Variants in ADAM23 observed in about 807,000 individuals in gnomAD.
The protein encoded by ADAM23 is ADAM metallopeptidase domain 23, also known as disintegrin and metalloproteinase domain-containing protein 23.
Under a neutral mutation model 120.1 loss-of-function variants are expected in ADAM23, and 33 were observed. That is an observed-to-expected ratio of 0.27 (90% CI 0.21 to 0.37). The LOEUF (loss-of-function observed/expected upper bound fraction) is 0.37, where lower values mean the gene tolerates loss of function less well. Among genes scored for constraint, ADAM23 ranks in the 10% least tolerant of loss-of-function variants. The pLI, the probability that ADAM23 is intolerant of heterozygous loss-of-function variation, is 1.00. For synonymous variants in ADAM23, 367 were observed against 375.2 expected (o/e 0.98, Z 0.25); for missense variants, 862 against 1,058.2 (o/e 0.81, Z 2.57).
At chr2:206,463,742 A>G (rs555334381) in intron 2 of ADAM23, among the ~76,000 whole-genome samples, 1 of 152,364 alleles carries the variant, frequency 6.6e-6, no homozygotes. Context: ...GGGGCAGGTC[A>G]GGATGAGATG....
intron 2 of ADAM23, among the ~76,000 whole-genome samples, chr2:206,453,852 A>G (rs1167366351): frequency 6.6e-6 from 1 of 152,270 alleles, no homozygotes; most frequent in Non-Finnish European, 1.5e-5. Flanking sequence ...GGTGTCCTGT[A>G]TGGCTAAAGA....
At chr2:206,447,921 AGAAATTTC>A (rs1222832800) in intron 2 of ADAM23, among the ~76,000 whole-genome samples, 2 of 152,224 alleles carry the variant, frequency 1.3e-5, no homozygotes, top group African/African-American at 4.8e-5. Flanking sequence ...TTATGTCTGA[AGAAATTTC>A]GTAAATGTTC....
chr2:206,507,190 A>G (rs182611434), intron 3 of ADAM23, among the ~76,000 whole-genome samples: 1 of 152,262 alleles, frequency 6.6e-6, no homozygotes, highest in Admixed American at 6.5e-5. Flanking sequence ...TTGCAGTCAG[A>G]TGCTTGCATG....
intron 2 of ADAM23, among the ~76,000 whole-genome samples, chr2:206,477,600 T>C (rs1253963966): frequency 1.3e-5 from 2 of 152,124 alleles, no homozygotes; most frequent in African/African-American, 2.4e-5. Flanking sequence ...TGACCTAATA[T>C]GTGGTTCATG....
intron 2 of ADAM23, among the ~76,000 whole-genome samples, chr2:206,456,214 T>C (rs1695296208): frequency 6.6e-6 from 1 of 151,996 alleles, no homozygotes; most frequent in African/African-American, 2.4e-5. Context: ...AGGGGAAGCA[T>C]GCACACCTTA....
chr2:206,472,687 A>C (rs536166441), intron 2 of ADAM23, among the ~76,000 whole-genome samples: 1 of 152,152 alleles, frequency 6.6e-6, no homozygotes, highest in Admixed American at 6.5e-5. Flanking sequence ...GAATCTCTTT[A>C]AAATTGATTT....
chr2:206,482,969 C>T (rs193148431), intron 3 of ADAM23, among the ~76,000 whole-genome samples: 6 of 152,152 alleles, frequency 3.9e-5, no homozygotes, highest in Admixed American at 2.6e-4. Flanking sequence ...TCATAAATGA[C>T]AAGATTGAGA....
chr2:206,573,052 A>G, intron 17 of ADAM23, 63 bp from the exon 18 acceptor site: 18 of 1,543,112 alleles, frequency 1.2e-5, no homozygotes, highest in Non-Finnish European at 1.4e-5. Flanking sequence ...GAGTCTAAGA[A>G]TGTTATAATA....
At chr2:206,547,552 A>G (rs887444693) in intron 7 of ADAM23, 51 bp downstream of exon 7, 1 of 1,477,866 alleles carries the variant, frequency 6.8e-7, no homozygotes, top group Non-Finnish European at 9.4e-7. Context: ...ATGAGCTTTT[A>G]TCTGGTGGAG....
rs763605616 is a variant in ADAM23 at position 206,565,081 on chromosome 2, T to A, written c.1394+13T>A. ...TGGAGGAAACAGGGTAAATTTTCAT[T>A]ATGCGTGCATTTGATATATGCCTTT... On this transcript the variant is annotated intron_variant, in intron 14 of 25. Transcript: ENST00000264377. 9 of 1,613,840 alleles carry A rather than the reference T, an allele frequency of 5.6e-6. No homozygotes were observed. Among genetic ancestry groups the A allele is most frequent in the Non-Finnish European group, 7.6e-6 (9 of 1,179,772 alleles).
rs1355683227 is a variant in ADAM23, at chr2:206,444,040, C to G, written c.174C>G (p.Ala58=). 7.1e-7 allele frequency: 1 copy of G among 1,408,620 alleles called. No homozygotes were observed. Among genetic ancestry groups the G allele is most frequent in the Non-Finnish European group, 9.3e-7 (1 of 1,078,086 alleles). The allele number at this position is 1,408,620 out of a possible 1,614,324, so 87.3% of individuals were successfully genotyped here. ...LVLLLLPPLA[A]SSRPRAWGAA... is the part of the protein sequence containing the mutation. ...TTCTCCTGCTGCCTCCGCTCGCCGC[C>G]TCGTCCCGGCCCCGCGCCTGGGGGG... Residue 58 remains alanine (A), a synonymous_variant, in exon 1 of 26, where the codon GCC becomes GCG. Coordinates refer to ENST00000264377, the MANE Select transcript of ADAM23 (RefSeq NM_003812.4).
chr2:206,617,587 A>G lies in ADAM23; in HGVS notation c.2459A>G (p.Lys820Arg), dbSNP rs775805041. 1.1e-4 allele frequency: 176 copies of G among 1,607,874 alleles called. 2 individuals carry two copies. The highest frequency in any genetic ancestry group is 1.5e-4 in the Non-Finnish European group (173 of 1,176,950). The change falls in exon 26 of 26, where the codon AAG becomes AGG. Residue 820 changes from lysine to arginine, a missense_variant. Physicochemically the swap from Lys to Arg is conservative, Grantham distance 26. Transcript: ENST00000264377. Reference protein sequence around the residue: ...GGTGWGFKNVKKRRFDPTQQG... With the variant: ...GGTGWGFKNVRKRRFDPTQQG... ...TTGACTCACTCTGGAAGAAATGTCAAGAAGAGAAGGTTCGATCCTACTCAG... is the reference window on the plus strand; with the variant it reads ...TTGACTCACTCTGGAAGAAATGTCAGGAAGAGAAGGTTCGATCCTACTCAG...
chr2:206,498,045 G>T (rs1038961715), intron 3 of ADAM23, among the ~76,000 whole-genome samples: 5 of 152,172 alleles, frequency 3.3e-5, no homozygotes, highest in South Asian at 2.1e-4. Context: ...TGGGTAGGAA[G>T]AATCAATATC....
chr2:206,567,561 C>T (rs553365132), intron 15 of ADAM23, among the ~76,000 whole-genome samples: 3 of 152,250 alleles, frequency 2.0e-5, no homozygotes, highest in Admixed American at 1.3e-4. Flanking sequence ...CTCCCAAATC[C>T]TCCCTTCCAA....
intron 18 of ADAM23, among the ~76,000 whole-genome samples, chr2:206,580,167 G>T (rs555818495): frequency 6.6e-6 from 1 of 152,134 alleles, no homozygotes; most frequent in Non-Finnish European, 1.5e-5. Flanking sequence ...AGCAAACAGT[G>T]ACAGTCTGAC....
At chr2:206,487,753 G>GT (rs1477301032) in intron 3 of ADAM23, among the ~76,000 whole-genome samples, 1 of 152,184 alleles carries the variant, frequency 6.6e-6, no homozygotes, top group African/African-American at 2.4e-5. Flanking sequence ...TGCCTTCTTG[G>GT]TTAAAAAGGC....
At chr2:206,498,251 T>A (rs902219743) in intron 3 of ADAM23, among the ~76,000 whole-genome samples, 1 of 152,176 alleles carries the variant, frequency 6.6e-6, no homozygotes, top group African/African-American at 2.4e-5. Flanking sequence ...CTTCAAACTA[T>A]ACTACAAGGC....
Position 206,596,141 on chromosome 2 carries a change from C to G in ADAM23, c.2338C>G (p.Pro780Ala), listed in dbSNP as rs113518350. 2.9e-3 allele frequency: 4,761 copies of G among 1,613,908 alleles called. 23 individuals carry two copies. The highest frequency in any genetic ancestry group is 0.015 in the Middle Eastern group (92 of 6,062). Residue 780 changes from proline (P) to alanine (A), a missense_variant, in exon 24 of 26, where the codon CCC (proline) becomes GCC (alanine). Around this residue, in one of 4 missense-constraint regions of ADAM23, gnomAD observed 617 missense variants for 813.5 expected, o/e 0.76. Transcript: ENST00000264377. ...GGATCCAGTTAGGAACCTTCACCCC[C>G]CCAAGGATGAAGGACCCAAGGGTTT... ...IRDPVRNLHP[P>A]KDEGPKGPSA... is the part of the protein sequence containing the mutation.
At chr2:206,457,772 A>C (rs1280578560) in intron 2 of ADAM23, among the ~76,000 whole-genome samples, 1 of 152,198 alleles carries the variant, frequency 6.6e-6, no homozygotes, top group Non-Finnish European at 1.5e-5. Flanking sequence ...CATTCGTACC[A>C]TTCTAGAAGT....
Sources: allele counts gnomAD v4.1 joint callset (sites outside exome capture counted in the v4.1 genomes callset), GRCh38; gene constraint gnomAD v4.1.1; regional missense constraint gnomAD v4.1.1; transcripts MANE v1.5; gene names NCBI Gene and HGNC (gene_info 2026-07-23, HGNC 2026-07-21).